DMRTC2: variants seen among roughly 807,000 people sequenced by gnomAD.
DMRTC2 encodes the protein DMRT like family C2.
A neutral mutation model predicts 39.9 loss-of-function variants in DMRTC2; 13 were observed. That is an observed-to-expected ratio of 0.33 (90% confidence interval 0.21 to 0.52). DMRTC2 has a LOEUF of 0.52. Among genes scored for constraint, DMRTC2 ranks in the 20% least tolerant of loss-of-function variants. The pLI, the probability that DMRTC2 is intolerant of heterozygous loss-of-function variation, is 0.96. For missense variants in DMRTC2, 431 were observed against 472.8 expected, an observed-to-expected ratio of 0.91 and a Z score of 0.82; for synonymous variants, 189 against 185.2, an observed-to-expected ratio of 1.02 and a Z score of -0.17.
At position 41,851,914 on chromosome 19, in the gene DMRTC2, A is replaced by G; in HGVS notation, c.*218A>G. The G allele has an allele frequency of 1.7e-6, 1 of 577,248 alleles. No individual in the cohort carries two copies. Among genetic ancestry groups the G allele is most frequent in the Non-Finnish European group, 3.1e-6 (1 of 324,472 alleles). 35.8% of individuals were successfully genotyped at this position (577,248 alleles called of 1,614,324 possible). On this transcript the variant is annotated 3_prime_UTR_variant, in exon 9 of 9. Transcript: ENST00000269945. ...TGGGCATTTCCTTGGCTGACAGTGG[A>G]TATTCTTGTACCCTTCTTGGGTCCT...
intron 2 of DMRTC2, 34 bp downstream of exon 2, chr19:41,847,686 G>T: frequency 6.2e-7 from 1 of 1,613,606 alleles, no homozygotes; most frequent in South Asian, 1.1e-5. Context: ...AGGAGGATGA[G>T]CCTCCTCCAA....
intron 4 of DMRTC2, 129 bp from the exon 5 acceptor site, chr19:41,848,666 T>C (rs1316662881): frequency 1.3e-6 from 2 of 1,514,158 alleles, no homozygotes; most frequent in African/African-American, 2.7e-5. Context: ...TGCTCTTCTC[T>C]AGGCAAAATG....
Position 41,851,777 on chromosome 19 carries a change from G to T in DMRTC2, c.*81G>T. 1 of 1,230,746 alleles carries T rather than the reference G, an allele frequency of 8.1e-7. No homozygotes were observed. The highest frequency in any genetic ancestry group is 1.2e-6 in the Non-Finnish European group (1 of 850,530). The allele number at this position is 1,230,746 out of a possible 1,614,324, so 76.2% of individuals were successfully genotyped here. On this transcript the variant is annotated 3_prime_UTR_variant, in exon 9 of 9. Coordinates refer to ENST00000269945, the MANE Select transcript of DMRTC2 (RefSeq NM_001040283.3). Reference sequence around the variant, plus strand: ...CTGTATATTTAGTGTCTTACTTAAGGATTTATGCATGGAATTTAATGTAGT... The same window carrying T: ...CTGTATATTTAGTGTCTTACTTAAGTATTTATGCATGGAATTTAATGTAGT...
At chr19:41,846,021 AAAG>A (rs2073832997) in intron 1 of DMRTC2, among the ~76,000 whole-genome samples, 1 of 151,894 alleles carries the variant, frequency 6.6e-6, no homozygotes, top group Non-Finnish European at 1.5e-5. Context: ...ATAAAAAAAA[AAAG>A]AAAGTGGAGC....
chr19:41,849,287 A>G, intron 6 of DMRTC2, 31 bp downstream of exon 6: 1 of 1,610,934 alleles, frequency 6.2e-7, no homozygotes, highest in Non-Finnish European at 8.5e-7. Context: ...GTGTATCATA[A>G]GCCTAAGCCT....
Position 41,847,790 on chromosome 19 carries a change from G to C in DMRTC2, c.279G>C (p.Ala93=), listed in dbSNP as rs200294003. Residue 93 remains alanine (A), a synonymous_variant, in exon 3 of 9, where the codon GCG becomes GCC. Transcript: ENST00000269945. Reference sequence around the variant, plus strand: ...TGGCCTTGCGTAGGCAGCAGGAGGCGCAGCTAAAGAAGCACCTGATGAGGA... The same window carrying C: ...TGGCCTTGCGTAGGCAGCAGGAGGCCCAGCTAAAGAAGCACCTGATGAGGA... ...AQVALRRQQE[A]QLKKHLMRRG... is the part of the protein sequence containing the mutation. 2 of 1,611,630 alleles carry C rather than the reference G, an allele frequency of 1.2e-6. No individual in the cohort carries two copies. The highest frequency in any genetic ancestry group is 4.5e-5 in the East Asian group (2 of 44,756).
In DMRTC2 at chr19:41,848,803, TG is replaced by T; in HGVS notation, c.459del (p.Pro154LeufsTer82). 6.2e-7 allele frequency: 1 copy of T among 1,608,490 alleles called. No individual in the cohort carries two copies. ...GCCCTCTGCCCCTGCAGAACTCCTGTGGGCCTCTGCTGCTCAGCCATCCCCC... is the reference window on the plus strand; with the variant it reads ...GCCCTCTGCCCCTGCAGAACTCCTGTGGCCTCTGCTGCTCAGCCATCCCCC... The part of the protein sequence containing the change: ...APTPPGKNSC[G>X]PLLLSHPPEA... On this transcript the variant is annotated frameshift_variant, in exon 5 of 9. Coordinates refer to ENST00000269945, the MANE Select transcript of DMRTC2 (RefSeq NM_001040283.3). LOFTEE classifies it high-confidence loss of function.
At chr19:41,844,923 T>G (rs1016634762), upstream of DMRTC2, 4 of 152,274 alleles carry the variant, frequency 2.6e-5, no homozygotes, top group Non-Finnish European at 5.9e-5. Context: ...GGGACATCAG[T>G]TCAGGATCTC....
rs370925916 is a variant in DMRTC2 at position 41,848,835 on chromosome 19, C to T, written c.488C>T (p.Ala163Val). The change falls in exon 5 of 9, where the codon GCC becomes GTC. Residue 163 changes from alanine to valine, a missense_variant. Physicochemically the swap from Ala to Val is moderately conservative, Grantham distance 64 (BLOSUM62 0). Transcript: ENST00000269945. ...GPLLLSHPPE[A>V]SPLSWTPVPP... The stretch of plus-strand genomic sequence containing the variant: ...CTGCTGCTCAGCCATCCCCCGGAAG[C>T]CTCGCCCTTGTCCTGGACTCCGGTG... 1 of 1,610,814 alleles carries T rather than the reference C, an allele frequency of 6.2e-7. No homozygotes were observed. Among genetic ancestry groups the T allele is most frequent in the Admixed American group, 1.7e-5 (1 of 60,004 alleles).
At position 41,848,884 on chromosome 19, in the gene DMRTC2, A is replaced by G. The variant is rs1555836683; in HGVS notation, c.537A>G (p.Gly179=). The stretch of plus-strand genomic sequence containing the variant: ...TGCCTCCTGGCCCTTGGGTCCCTGG[A>G]CACTGGCTGCCTCCAGGCTTCTCCA... The part of the protein sequence containing the change: ...TPVPPGPWVP[G]HWLPPGFSMP... Residue 179 remains glycine, a synonymous_variant, in exon 5 of 9, where the codon GGA becomes GGG. Transcript: ENST00000269945. The G allele has an allele frequency of 1.2e-6, 2 of 1,613,258 alleles. No individual in the cohort carries two copies. The highest frequency in any genetic ancestry group is 2.2e-5 in the South Asian group (2 of 91,090).
rs1346474118 is a variant in DMRTC2 at position 41,850,654 on chromosome 19, C to T, written c.945C>T (p.Pro315=). 1.9e-6 allele frequency: 3 copies of T among 1,606,998 alleles called. No individual in the cohort carries two copies. The highest frequency in any genetic ancestry group is 2.7e-5 in the African/African-American group (2 of 74,414). Residue 315 remains proline, a synonymous_variant, in exon 8 of 9, where the codon CCC becomes CCT. Coordinates refer to ENST00000269945, the MANE Select transcript of DMRTC2 (RefSeq NM_001040283.3). ...SQAPRVTPSV[P]PNPAWISLLH... ...CTCCTCGTGTGACCCCTTCTGTGCCCCCCAACCCTGCCTGGATCTCCCTGC... is the reference window on the plus strand; with the variant it reads ...CTCCTCGTGTGACCCCTTCTGTGCCTCCCAACCCTGCCTGGATCTCCCTGC...
rs1555836527 is a variant in DMRTC2 at position 41,848,506 on chromosome 19, T to C, written c.425T>C (p.Leu142Pro). The change falls in exon 4 of 9, where the codon CTG becomes CCG. Residue 142 changes from leucine (L) to proline (P), a missense_variant. Coordinates refer to ENST00000269945, the MANE Select transcript of DMRTC2 (RefSeq NM_001040283.3). ...QPQTPHGAVL[L>P]APTPPGKNSC... ...CAGACCCCCCATGGGGCAGTCCTGC[T>C]GGCACCGACACCCCCCGGGAAGGTA... The C allele has an allele frequency of 6.2e-7, 1 of 1,601,746 alleles. No homozygotes were observed. Among genetic ancestry groups the C allele is most frequent in the South Asian group, 1.1e-5 (1 of 88,600 alleles).
Position 41,851,672 on chromosome 19 carries a change from G to T in DMRTC2, c.1080G>T (p.Leu360=). The part of the protein sequence containing the change: ...APSVALHIGR[L]GSISLLS ...CTGTTGCTCTGCATATTGGCCGTCT[G>T]GGGTCCATCTCCCTCCTGAGCTAGA... Residue 360 remains leucine (L), a synonymous_variant, in exon 9 of 9, where the codon CTG becomes CTT. Transcript: ENST00000269945. 6.2e-7 allele frequency: 1 copy of T among 1,614,146 alleles called. No individual in the cohort carries two copies. The highest frequency in any genetic ancestry group is 8.5e-7 in the Non-Finnish European group (1 of 1,180,012).
rs2073887608 is a variant in DMRTC2 at position 41,847,798 on chromosome 19, A to G, written c.287A>G (p.Lys96Arg). Residue 96 changes from lysine (K) to arginine (R), a missense_variant, in exon 3 of 9, where the codon AAG becomes AGG. By Grantham distance (26) the Lys-to-Arg change is conservative. Coordinates refer to ENST00000269945, the MANE Select transcript of DMRTC2 (RefSeq NM_001040283.3). ...ALRRQQEAQL[K>R]KHLMRRGEAS... The stretch of plus-strand genomic sequence containing the variant: ...CGTAGGCAGCAGGAGGCGCAGCTAA[A>G]GAAGCACCTGATGAGGAGAGGGGAA... The G allele has an allele frequency of 1.2e-6, 2 of 1,610,686 alleles. No individual in the cohort carries two copies. Among genetic ancestry groups the G allele is most frequent in the African/African-American group, 1.3e-5 (1 of 74,936 alleles).
At chr19:41,850,961 A>C (rs1329495081) in intron 8 of DMRTC2, 1 of 413,926 alleles carries the variant, frequency 2.4e-6, no homozygotes, top group South Asian at 6.0e-5. Flanking sequence ...GCCCAAGGGC[A>C]TATAGTGAGA....
intron 5 of DMRTC2, 63 bp downstream of exon 5, chr19:41,849,038 G>A: frequency 6.2e-7 from 1 of 1,611,714 alleles, no homozygotes. Context: ...ACATATTGGA[G>A]AGGGAAGAGG....
rs2073953998 is a variant in DMRTC2, at chr19:41,851,363, CAAGG to C, written c.992-219_992-216del. 5 of 540,496 alleles carry C rather than the reference CAAGG, an allele frequency of 9.3e-6. No individual in the cohort carries two copies. In the South Asian group the frequency reaches 1.2e-4, roughly 13 times the overall value. The allele number at this position is 540,496 out of a possible 1,614,324, so 33.5% of individuals were successfully genotyped here. A position where few individuals can be genotyped will look rare whatever the true frequency, so the allele number is the denominator to read the frequency against. On this transcript the variant is annotated intron_variant, in intron 8 of 8. Transcript: ENST00000269945. The stretch of plus-strand genomic sequence containing the variant: ...AGCCAGGGAACGTTTCTGAACTAAG[CAAGG>C]ACAAATTCAGAGACCCTGAGCTTTA...
intron 3 of DMRTC2, 35 bp downstream of exon 3, chr19:41,847,916 T>C: frequency 6.4e-7 from 1 of 1,556,356 alleles, no homozygotes; most frequent in Non-Finnish European, 8.7e-7. Context: ...GGCAGGAGTT[T>C]GGGTACAGGA....
intron 6 of DMRTC2, 45 bp downstream of exon 6, chr19:41,849,301 C>T: frequency 6.2e-7 from 1 of 1,602,594 alleles, no homozygotes; most frequent in Non-Finnish European, 8.5e-7. Flanking sequence ...TAAGCCTGTG[C>T]TGTGTCCAAC....
Sources: gnomAD v4.1 joint callset for allele counts (sites outside exome capture counted in the v4.1 genomes callset) on GRCh38, gnomAD v4.1.1 for gene constraint, MANE v1.5 for transcripts, NCBI Gene and HGNC (gene_info 2026-07-23, HGNC 2026-07-21) for gene names.